Variants in FERMT3 observed in about 807,000 individuals in gnomAD.
FERMT3 encodes FERM domain containing kindlin 3.
In FERMT3, 33 loss-of-function variants were observed where a neutral mutation model predicts 80.8. The ratio of observed to expected loss-of-function variants is 0.41; its 90% CI spans 0.31 to 0.55. FERMT3 has a LOEUF of 0.55. Among genes scored for constraint, FERMT3 ranks in the 20% least tolerant of loss-of-function variants. FERMT3 has a pLI of 0.31. For synonymous variants in FERMT3, 375 were observed against 372.2 expected (o/e 1.01, Z -0.09); for missense variants, 754 against 908.7 (o/e 0.83, Z 2.19).
chr11:64,207,421 G>A lies in FERMT3; in HGVS notation c.57G>A (p.Arg19=). Residue 19 remains arginine, a synonymous_variant, in exon 2 of 15, where the codon CGG becomes CGA. Coordinates refer to ENST00000345728, the MANE Select transcript of FERMT3 (RefSeq NM_031471.6). ...ACATCGACTCGTCATGGGAGCTGCG[G>A]GTGTTTGTGGGAGAGGAGGACCCAG... The part of the protein sequence containing the change: ...GDYIDSSWEL[R]VFVGEEDPEA... 6.2e-7 allele frequency: 1 copy of A among 1,614,186 alleles called. No individual in the cohort carries two copies. Among genetic ancestry groups the A allele is most frequent in the East Asian group, 2.2e-5 (1 of 44,880 alleles).
rs199626623 is a variant in FERMT3, at chr11:64,219,850, G to T, written c.1080-41G>T. ...GGGGTTGGTCTGCATATGGAGGGAG[G>T]GGGTGAGGCGGCCTTTCACAAACCC... On this transcript the variant is annotated intron_variant, in intron 9 of 14. Coordinates refer to ENST00000345728, the MANE Select transcript of FERMT3 (RefSeq NM_031471.6). The surrounding 1 kb of genome is among the most constrained non-coding windows in gnomAD (Gnocchi z 4.0). 1.2e-6 allele frequency: 2 copies of T among 1,613,734 alleles called. No individual in the cohort carries two copies. Among genetic ancestry groups the T allele is most frequent in the Non-Finnish European group, 8.5e-7 (1 of 1,179,994 alleles).
intron 6 of FERMT3, among the ~76,000 whole-genome samples, chr11:64,212,482 C>A (rs1317618598): frequency 6.6e-6 from 1 of 152,192 alleles, no homozygotes; most frequent in Non-Finnish European, 1.5e-5. Flanking sequence ...TATTTTGACA[C>A]CATCCACACG....
At chr11:64,209,106 C>T (rs1470370622) in intron 2 of FERMT3, among the ~76,000 whole-genome samples, 2 of 152,128 alleles carry the variant, frequency 1.3e-5, no homozygotes, top group African/African-American at 4.8e-5. Context: ...ATGCCTGGGC[C>T]TTTGGCGCGA....
chr11:64,220,901 G>T, intron 12 of FERMT3, 115 bp from the exon 13 acceptor site: 1 of 1,547,902 alleles, frequency 6.5e-7, no homozygotes, highest in Non-Finnish European at 8.7e-7. Context: ...GGCCCCACGT[G>T]GGCACTGCCC....
intron 6 of FERMT3, among the ~76,000 whole-genome samples, chr11:64,215,897 T>C (rs967463412): frequency 6.6e-5 from 10 of 151,886 alleles, no homozygotes; most frequent in African/African-American, 2.4e-4. Context: ...AGTGGTACGA[T>C]CTCGGCTTAC....
In FERMT3 at chr11:64,223,389, A is replaced by G. The variant is rs1396214789; in HGVS notation, c.1889A>G (p.Tyr630Cys). ...GCCAGCTGCCGAATTGTACACGAGT[A>G]TATCGGGGGCTACATTTTCCTGTCG... is the stretch of plus-strand genomic sequence containing the variant. ...VSASCRIVHE[Y>C]IGGYIFLSTR... Residue 630 changes from tyrosine (Y) to cysteine (C), a missense_variant, in exon 15 of 15, where the codon TAT (tyrosine) becomes TGT (cysteine). By Grantham distance (194) the Tyr-to-Cys change is radical. Coordinates refer to ENST00000345728, the MANE Select transcript of FERMT3 (RefSeq NM_031471.6). The G allele has an allele frequency of 2.5e-6, 4 of 1,613,884 alleles. No homozygotes were observed. The highest frequency in any genetic ancestry group is 2.5e-6 in the Non-Finnish European group (3 of 1,180,054).
chr11:64,212,505 C>T (rs1000657179), intron 6 of FERMT3, among the ~76,000 whole-genome samples: 3 of 152,230 alleles, frequency 2.0e-5, no homozygotes, highest in Non-Finnish European at 4.4e-5. Context: ...AGAAGTGCAC[C>T]TGCTGAGGTG....
At position 64,219,424 on chromosome 11, in the gene FERMT3, C is replaced by A. The variant is rs910455339; in HGVS notation, c.894+66C>A. ...GAGCCAGTCCCAGGGCAGGAAGGGC[C>A]TTCCTGAGTGGGGGCTACCTCCAGG... On this transcript the variant is annotated intron_variant, in intron 7 of 14. Transcript: ENST00000345728. The surrounding 1 kb of genome is among the most constrained non-coding windows in gnomAD (Gnocchi z 4.0). The A allele has an allele frequency of 2.2e-5, 34 of 1,560,612 alleles. No homozygotes were observed. The African/African-American group carries it at 3.7e-4, about 17-fold the overall frequency.
At chr11:64,222,662 G>C (rs1946732346) in intron 13 of FERMT3, among the ~76,000 whole-genome samples, 2 of 152,104 alleles carry the variant, frequency 1.3e-5, no homozygotes, top group Admixed American at 1.3e-4. Flanking sequence ...TCTGGGCCTG[G>C]GTTCGCCGGT....
chr11:64,207,524 A>G lies in FERMT3; in HGVS notation c.160A>G (p.Asn54Asp), dbSNP rs892554921. The stretch of plus-strand genomic sequence containing the variant: ...GCTCCTGAAGATTGTGGAGCAGATC[A>G]GTGAGTGTCCGCTGCCCGCTTGCTG... The part of the protein sequence containing the change: ...GVLLKIVEQI[N>D]RKQDWSDHAI... Residue 54 changes from asparagine to aspartate, a missense_variant and splice_region_variant, in exon 2 of 15, where the codon AAT becomes GAT. By Grantham distance (23) the Asn-to-Asp change is conservative (BLOSUM62 1). Coordinates refer to ENST00000345728, the MANE Select transcript of FERMT3 (RefSeq NM_031471.6). 7 of 1,602,362 alleles carry G rather than the reference A, an allele frequency of 4.4e-6. No homozygotes were observed. In the African/African-American group the frequency reaches 5.4e-5, roughly 12 times the overall value.
Position 64,219,673 on chromosome 11 carries a change from A to C in FERMT3, c.1029+15A>C. ...CAGATGTGCTGGTGAGGAGGGGCTC[A>C]GGGCAGGGGCTGGGCAGGGAGAACT... is the stretch of plus-strand genomic sequence containing the variant. On this transcript the variant is annotated intron_variant, in intron 8 of 14. Coordinates refer to ENST00000345728, the MANE Select transcript of FERMT3 (RefSeq NM_031471.6). The surrounding 1 kb of genome is among the most constrained non-coding windows in gnomAD (Gnocchi z 4.0). 6.2e-7 allele frequency: 1 copy of C among 1,613,832 alleles called. No individual in the cohort carries two copies. The highest frequency in any genetic ancestry group is 8.5e-7 in the Non-Finnish European group (1 of 1,179,966).
intron 6 of FERMT3, among the ~76,000 whole-genome samples, chr11:64,217,329 C>A (rs920329458): frequency 2.6e-5 from 4 of 152,188 alleles, no homozygotes; most frequent in Admixed American, 6.5e-5. Context: ...GCAGGTGGAT[C>A]ACCTGAGGTC....
upstream of FERMT3, among the ~76,000 whole-genome samples, chr11:64,206,480 C>A (rs186764555): frequency 6.6e-6 from 1 of 152,234 alleles, no homozygotes; most frequent in East Asian, 1.9e-4. Context: ...CACACACAGC[C>A]GGGGGACTTG....
chr11:64,223,580 G>A lies in FERMT3; in HGVS notation c.*88G>A, dbSNP rs1591048161. 7 of 1,453,336 alleles carry A rather than the reference G, an allele frequency of 4.8e-6. No individual in the cohort carries two copies. The highest frequency in any genetic ancestry group is 4.9e-5 in the East Asian group (2 of 40,812). The allele number at this position is 1,453,336 out of a possible 1,614,324, so 90.0% of individuals were successfully genotyped here. A position where few individuals can be genotyped will look rare whatever the true frequency, so the allele number is the denominator to read the frequency against. ...CACAGGGGCTCACTGCCCCACACCC[G>A]CTCCAGGCAGGCACCCAGCTGGGCA... On this transcript the variant is annotated 3_prime_UTR_variant, in exon 15 of 15. Transcript: ENST00000345728.
At position 64,223,577 on chromosome 11, in the gene FERMT3, C is replaced by A; in HGVS notation, c.*85C>A. On this transcript the variant is annotated 3_prime_UTR_variant, in exon 15 of 15. Coordinates refer to ENST00000345728, the MANE Select transcript of FERMT3 (RefSeq NM_031471.6). ...ACCCACAGGGGCTCACTGCCCCACA[C>A]CCGCTCCAGGCAGGCACCCAGCTGG... The A allele has an allele frequency of 6.8e-7, 1 of 1,467,476 alleles. No individual in the cohort carries two copies. The highest frequency in any genetic ancestry group is 1.4e-5 in the African/African-American group (1 of 71,902). The allele number at this position is 1,467,476 out of a possible 1,614,324, so 90.9% of individuals were successfully genotyped here. A position where few individuals can be genotyped will look rare whatever the true frequency, so the allele number is the denominator to read the frequency against.
intron 6 of FERMT3, among the ~76,000 whole-genome samples, chr11:64,215,807 C>A (rs879575589): frequency 2.0e-5 from 3 of 149,716 alleles, no homozygotes; most frequent in Non-Finnish European, 4.4e-5. Flanking sequence ...GTTATCCTCC[C>A]GCTTCGGCTT....
At chr11:64,207,821 A>G in intron 2 of FERMT3, 1 of 327,376 alleles carries the variant, frequency 3.1e-6, no homozygotes. Flanking sequence ...GCCGAGGCTG[A>G]AGTCACATTG....
intron 2 of FERMT3, among the ~76,000 whole-genome samples, chr11:64,208,955 C>T (rs1158095870): frequency 4.6e-5 from 7 of 152,050 alleles, no homozygotes; most frequent in African/African-American, 1.4e-4. Flanking sequence ...AGGCTGGTGG[C>T]GGCAGGCCCC....
intron 13 of FERMT3, 32 bp downstream of exon 13, chr11:64,221,172 A>G (rs762354926): frequency 2.6e-5 from 41 of 1,599,468 alleles, no homozygotes; most frequent in Non-Finnish European, 3.2e-5. Context: ...CCTGCCCAGC[A>G]CCGTCTCTGC....
Sources: allele counts gnomAD v4.1 joint callset (sites outside exome capture counted in the v4.1 genomes callset), GRCh38; gene constraint gnomAD v4.1.1; non-coding constraint Gnocchi (gnomAD v3.1); transcripts MANE v1.5; gene names NCBI Gene and HGNC (gene_info 2026-07-23, HGNC 2026-07-21).